HIVEP3: variants seen among roughly 807,000 people sequenced by gnomAD.
HIVEP3 encodes the protein HIVEP zinc finger 3, also known as transcription factor HIVEP3.
Under a neutral mutation model 152.8 loss-of-function variants are expected in HIVEP3, and 49 were observed. The observed-to-expected ratio is 0.32, with a 90% CI of 0.26 to 0.41. The LOEUF (loss-of-function observed/expected upper bound fraction) is 0.41. Ranked by LOEUF, HIVEP3 falls within the 10% of genes least tolerant of loss-of-function variation. HIVEP3 has a pLI of 1.00. For synonymous variants in HIVEP3, 1,269 were observed against 1,289.0 expected (o/e 0.98, Z 0.33); for missense variants, 2,790 against 3,103.3 (o/e 0.90, Z 2.40).
chr1:41,807,280 G>A (rs879195452), intron 1 of HIVEP3, among the ~76,000 whole-genome samples: 5 of 152,182 alleles, frequency 3.3e-5, no homozygotes, highest in Admixed American at 3.3e-4. Flanking sequence ...TAGGACAGGA[G>A]GGGCAGAAGA....
At chr1:41,915,069 C>T (rs761965211) in intron 1 of HIVEP3, among the ~76,000 whole-genome samples, 11 of 152,032 alleles carry the variant, frequency 7.2e-5, no homozygotes, top group Non-Finnish European at 1.2e-4. Flanking sequence ...AGTAAGCCAC[C>T]GGCTATCCAG....
chr1:41,592,584 C>G (rs1038033370), intron 3 of HIVEP3, among the ~76,000 whole-genome samples: 1 of 152,300 alleles, frequency 6.6e-6, no homozygotes, highest in Admixed American at 6.5e-5. Flanking sequence ...CAACCCTCCC[C>G]GTGGGACTGA....
intron 1 of HIVEP3, among the ~76,000 whole-genome samples, chr1:41,959,593 G>A (rs940824999): frequency 1.3e-5 from 2 of 152,194 alleles, no homozygotes; most frequent in Admixed American, 6.5e-5. Context: ...ACCCTGTACA[G>A]GTGAGGCACT....
intron 1 of HIVEP3, among the ~76,000 whole-genome samples, chr1:41,911,697 G>T (rs992785534): frequency 2.0e-5 from 3 of 152,106 alleles, no homozygotes; most frequent in African/African-American, 7.2e-5. Flanking sequence ...TCATTCAATG[G>T]AATATTATGG....
chr1:41,845,490 C>T (rs1643418643), intron 1 of HIVEP3, among the ~76,000 whole-genome samples: 1 of 151,464 alleles, frequency 6.6e-6, no homozygotes, highest in Non-Finnish European at 1.5e-5. Context: ...TCTTCTTCAC[C>T]TATACCCCAG....
intron 1 of HIVEP3, among the ~76,000 whole-genome samples, chr1:41,722,403 G>GCCTGCCTGCCTGCCTTCCTTCCTT (rs1553253035): frequency 2.7e-5 from 3 of 113,054 alleles, no homozygotes; most frequent in African/African-American, 1.1e-4. Flanking sequence ...AATTTGGCTG[G>GCCTGCCTGCCTGCCTTCCTTCCTT]CCTTCCTTCC....
intron 1 of HIVEP3, among the ~76,000 whole-genome samples, chr1:41,746,878 C>T (rs1189656220): frequency 1.3e-5 from 2 of 152,134 alleles, no homozygotes; most frequent in Non-Finnish European, 2.9e-5. Flanking sequence ...CTGCTGGGTG[C>T]AGGGTATAAA....
At chr1:42,006,695 G>A (rs146046532) in intron 1 of HIVEP3, among the ~76,000 whole-genome samples, 41 of 152,132 alleles carry the variant, frequency 2.7e-4, no homozygotes, top group African/African-American at 9.4e-4. Flanking sequence ...TTGTTGCAAT[G>A]TCATAGGTCC....
At chr1:41,885,886 CATGATA>C (rs1644339054) in intron 1 of HIVEP3, among the ~76,000 whole-genome samples, 1 of 151,924 alleles carries the variant, frequency 6.6e-6, no homozygotes, top group South Asian at 2.1e-4. Context: ...ACTGAATACC[CATGATA>C]ATTCTATAAA....
chr1:41,605,369 A>ACG (rs1457344849), intron 3 of HIVEP3, among the ~76,000 whole-genome samples: 1 of 114,500 alleles, frequency 8.7e-6, no homozygotes, highest in Non-Finnish European at 1.8e-5. Context: ...ACACACACGC[A>ACG]CACGCGCACA....
intron 2 of HIVEP3, among the ~76,000 whole-genome samples, chr1:41,694,164 C>A (rs1408400251): frequency 6.6e-6 from 1 of 152,054 alleles, no homozygotes; most frequent in Non-Finnish European, 1.5e-5. Context: ...TAATTTTATG[C>A]TTTTATTTCT....
At chr1:41,845,241 T>C (rs1226361825) in intron 1 of HIVEP3, among the ~76,000 whole-genome samples, 1 of 152,060 alleles carries the variant, frequency 6.6e-6, no homozygotes, top group African/African-American at 2.4e-5. Context: ...TTTTAAATAA[T>C]ATCCATGAGG....
chr1:41,871,134 A>T (rs1644072085), intron 1 of HIVEP3, among the ~76,000 whole-genome samples: 1 of 152,200 alleles, frequency 6.6e-6, no homozygotes, highest in East Asian at 1.9e-4. Context: ...CAAATCTCCA[A>T]GATTTCCTAT....
chr1:41,969,351 C>T (rs1426606946), intron 1 of HIVEP3, among the ~76,000 whole-genome samples: 1 of 152,134 alleles, frequency 6.6e-6, no homozygotes, highest in African/African-American at 2.4e-5. Flanking sequence ...GATACTGGTA[C>T]AAAATAGACA....
chr1:41,751,187 C>A (rs1184258643), intron 1 of HIVEP3, among the ~76,000 whole-genome samples: 2 of 152,112 alleles, frequency 1.3e-5, no homozygotes, highest in Admixed American at 1.3e-4. Flanking sequence ...CCTGCCCAGC[C>A]CATAGAACTG....
intron 2 of HIVEP3, among the ~76,000 whole-genome samples, chr1:41,672,492 T>C (rs902829075): frequency 2.6e-5 from 4 of 152,224 alleles, no homozygotes; most frequent in Non-Finnish European, 5.9e-5. Context: ...TACCTTTCTG[T>C]TTGTGGGCGG....
At chr1:41,840,865 A>G (rs558708735) in intron 1 of HIVEP3, among the ~76,000 whole-genome samples, 6 of 152,316 alleles carry the variant, frequency 3.9e-5, no homozygotes, top group South Asian at 2.1e-4. Context: ...CTCAAATTCC[A>G]TAACTTTCTC....
intron 1 of HIVEP3, among the ~76,000 whole-genome samples, chr1:41,911,359 A>C (rs1405920707): frequency 6.6e-6 from 1 of 152,240 alleles, no homozygotes; most frequent in East Asian, 1.9e-4. Flanking sequence ...TATCCTACAA[A>C]ATATAAAGTT....
chr1:41,958,239 G>C (rs1288744882), intron 1 of HIVEP3, among the ~76,000 whole-genome samples: 2 of 152,224 alleles, frequency 1.3e-5, no homozygotes, highest in Non-Finnish European at 2.9e-5. Flanking sequence ...ACTAATGGCA[G>C]CTGTGGTGAA....
Sources: allele counts gnomAD v4.1 joint callset (sites outside exome capture counted in the v4.1 genomes callset), GRCh38; gene constraint gnomAD v4.1.1; transcripts MANE v1.5; gene names NCBI Gene and HGNC (gene_info 2026-07-23, HGNC 2026-07-21).